ZFAT: variants seen among roughly 807,000 people sequenced by gnomAD.
ZFAT encodes zinc finger and AT-hook domain containing, also known as zinc finger protein ZFAT.
Under a neutral mutation model 117.7 loss-of-function variants are expected in ZFAT, and 64 were observed. The observed-to-expected ratio is 0.54, with a 90% CI of 0.44 to 0.67. ZFAT has a LOEUF of 0.67. Among genes scored for constraint, ZFAT ranks in the 30% least tolerant of loss-of-function variants. The probability of loss-of-function intolerance (pLI) is 0.00; values close to 1 mark genes in which losing one functional copy is unlikely to be tolerated. For synonymous variants in ZFAT, 679 were observed against 615.0 expected (o/e 1.10, Z -1.54); for missense variants, 1,433 against 1,584.5 (o/e 0.90, Z 1.62).
the ZFAT span, among the ~76,000 whole-genome samples, chr8:134,813,170 C>G: frequency 1.3e-5 from 2 of 152,206 alleles, no homozygotes; most frequent in Non-Finnish European, 2.9e-5. Flanking sequence ...GTTTCTTGAT[C>G]TGCACAAAAT....
the ZFAT span, among the ~76,000 whole-genome samples, chr8:134,822,696 TAACTTGGAAAA>T: frequency 2.0e-5 from 3 of 152,074 alleles, no homozygotes; most frequent in East Asian, 5.8e-4. Context: ...CTTTATAAAA[TAACTTGGAAAA>T]AACTCTTCTT....
At chr8:134,481,293 G>A (rs1817286698) in intron 15 of ZFAT, among the ~76,000 whole-genome samples, 1 of 152,190 alleles carries the variant, frequency 6.6e-6, no homozygotes, top group African/African-American at 2.4e-5. Flanking sequence ...AGGAAAGGGT[G>A]AGGGGATGGG....
At chr8:134,603,552 T>C (rs150686759) in intron 5 of ZFAT, among the ~76,000 whole-genome samples, 81 of 152,344 alleles carry the variant, frequency 5.3e-4, no homozygotes, top group Middle Eastern at 6.8e-3. Flanking sequence ...CAAGTTTCCA[T>C]GTGAGGGCCA....
the ZFAT span, among the ~76,000 whole-genome samples, chr8:134,824,021 T>C: frequency 6.6e-6 from 1 of 152,236 alleles, no homozygotes; most frequent in Non-Finnish European, 1.5e-5. Flanking sequence ...TCAACAGACA[T>C]TTGAATACTG....
At chr8:134,648,224 C>G (rs1160467593) in intron 2 of ZFAT, among the ~76,000 whole-genome samples, 6 of 151,128 alleles carry the variant, frequency 4.0e-5, no homozygotes, top group Non-Finnish European at 7.4e-5. Flanking sequence ...GATAAAAGAA[C>G]TATCTCAAAT....
chr8:134,646,874 C>T (rs915949442), intron 2 of ZFAT, among the ~76,000 whole-genome samples: 3 of 151,982 alleles, frequency 2.0e-5, no homozygotes, highest in Admixed American at 6.6e-5. Flanking sequence ...CTGAATAGAT[C>T]AATAACAAGT....
chr8:134,790,891 T>G, the ZFAT span, among the ~76,000 whole-genome samples: 1 of 152,138 alleles, frequency 6.6e-6, no homozygotes, highest in South Asian at 2.1e-4. Flanking sequence ...GGTACATGCC[T>G]GTGGTCCCAC....
chr8:134,605,073 G>T (rs1827782221), intron 5 of ZFAT, among the ~76,000 whole-genome samples: 3 of 152,162 alleles, frequency 2.0e-5, no homozygotes, highest in Admixed American at 2.0e-4. Flanking sequence ...TAGTGCCCAG[G>T]TTCCCCTCGA....
rs529225688 is a variant in ZFAT, at chr8:134,685,525, G to A, written c.19+27320C>T. On this transcript the variant is annotated intron_variant, in intron 1 of 15. Coordinates refer to ENST00000377838, the MANE Select transcript of ZFAT (RefSeq NM_020863.4). ...ATAATTTACTACAGCAATTCATTTCGGGGAGCAACAGCTGGAAAATAACAG... is the reference window on the plus strand; with the variant it reads ...ATAATTTACTACAGCAATTCATTTCAGGGAGCAACAGCTGGAAAATAACAG... 3.1e-4 allele frequency among the ~76,000 whole-genome samples: 47 copies of A among 152,216 alleles called. 1 individual carries two copies. Among genetic ancestry groups the A allele is most frequent in the Admixed American group, 2.6e-3 (40 of 15,282 alleles).
intron 1 of ZFAT, among the ~76,000 whole-genome samples, chr8:134,704,639 A>G (rs917831157): frequency 2.0e-5 from 3 of 152,242 alleles, no homozygotes; most frequent in African/African-American, 7.2e-5. Flanking sequence ...TAATCAAGGC[A>G]GTGTGGTACT....
At chr8:134,666,028 C>G (rs144428197) in intron 1 of ZFAT, among the ~76,000 whole-genome samples, 2 of 152,286 alleles carry the variant, frequency 1.3e-5, no homozygotes, top group African/African-American at 2.4e-5. Flanking sequence ...CAGAGAAGGC[C>G]TAGTACAGAG....
chr8:134,636,954 T>C (rs1353250542), intron 3 of ZFAT, among the ~76,000 whole-genome samples: 1 of 152,224 alleles, frequency 6.6e-6, no homozygotes, highest in Non-Finnish European at 1.5e-5. Context: ...TGCTGGCCCA[T>C]CGAGGTCCCT....
At chr8:134,571,437 G>A (rs1413032888) in intron 10 of ZFAT, among the ~76,000 whole-genome samples, 3 of 152,214 alleles carry the variant, frequency 2.0e-5, no homozygotes, top group Non-Finnish European at 4.4e-5. Context: ...TAAATGCCCC[G>A]TGGCGACTTC....
rs552290780 is a variant in ZFAT at position 134,508,047 on chromosome 8, G to A, written c.3492+1572C>T. On this transcript the variant is annotated intron_variant, in intron 15 of 15. Coordinates refer to ENST00000377838, the MANE Select transcript of ZFAT (RefSeq NM_020863.4). ...TTTTCTCAGCCAACGCAGATACCAG[G>A]TTGCTACAGACTGAAGCATCCCCCT... Among the ~76,000 whole-genome samples, 217 of 152,300 alleles carry A rather than the reference G, an allele frequency of 1.4e-3. 2 individuals carry two copies. The highest frequency in any genetic ancestry group is 5.1e-3 in the African/African-American group (210 of 41,552).
At chr8:134,765,927 A>G in the ZFAT span, 1 of 152,226 alleles carries the variant, frequency 6.6e-6, no homozygotes, top group Non-Finnish European at 1.5e-5. Flanking sequence ...CTAATCATTA[A>G]ACATGACAGC....
At chr8:134,576,534 C>T (rs1302466380) in intron 10 of ZFAT, among the ~76,000 whole-genome samples, 1 of 152,202 alleles carries the variant, frequency 6.6e-6, no homozygotes, top group Non-Finnish European at 1.5e-5. Context: ...ACTGAAGTCT[C>T]GCAAGTTAAC....
At chr8:134,508,174 T>C (rs1819551417) in intron 15 of ZFAT, among the ~76,000 whole-genome samples, 1 of 152,210 alleles carries the variant, frequency 6.6e-6, no homozygotes, top group Admixed American at 6.5e-5. Flanking sequence ...GTCTTGTCCG[T>C]AGGTCAAGAA....
the ZFAT span, among the ~76,000 whole-genome samples, chr8:134,718,581 A>G: frequency 2.6e-5 from 4 of 152,196 alleles, no homozygotes; most frequent in African/African-American, 7.2e-5. Context: ...TAACAGGGCC[A>G]TGAAAAAAGG....
At chr8:134,542,999 T>C (rs957235039) in intron 11 of ZFAT, among the ~76,000 whole-genome samples, 6 of 141,290 alleles carry the variant, frequency 4.2e-5, no homozygotes, top group Admixed American at 7.2e-5. Context: ...TGCCCACACC[T>C]CTCGTGACAG....
Sources: allele counts gnomAD v4.1 joint callset (sites outside exome capture counted in the v4.1 genomes callset), GRCh38; gene constraint gnomAD v4.1.1; transcripts MANE v1.5; gene names NCBI Gene and HGNC (gene_info 2026-07-23, HGNC 2026-07-21).